The following GALNTL6 variants were observed in gnomAD, a reference collection of about 807,000 sequenced individuals.
GALNTL6 encodes polypeptide N-acetylgalactosaminyltransferase-like 6.
GALNTL6 carries 46 observed loss-of-function variants against 73.7 expected under a neutral mutation model. The ratio of observed to expected loss-of-function variants is 0.62; its 90% CI spans 0.49 to 0.80. The LOEUF is 0.80. Ranked by LOEUF, GALNTL6 falls within the 30% of genes least tolerant of loss-of-function variation. GALNTL6 has a pLI of 0.00. For synonymous variants in GALNTL6, 259 were observed against 263.7 expected, an observed-to-expected ratio of 0.98 and a Z score of 0.17; for missense variants, 604 against 755.0, an observed-to-expected ratio of 0.80 and a Z score of 2.34.
intron 5 of GALNTL6, among the ~76,000 whole-genome samples, chr4:172,600,097 G>T (rs1282242312): frequency 6.6e-6 from 1 of 152,000 alleles, no homozygotes; most frequent in Non-Finnish European, 1.5e-5. Flanking sequence ...GACCAGTGTA[G>T]GATTCGGACA....
At chr4:172,919,211 C>T (rs1579654006) in intron 8 of GALNTL6, among the ~76,000 whole-genome samples, 2 of 151,942 alleles carry the variant, frequency 1.3e-5, no homozygotes, top group Admixed American at 6.6e-5. Flanking sequence ...AGGAAGAATT[C>T]GGGAGGAAGC....
chr4:172,251,096 A>C (rs2111014603), intron 3 of GALNTL6, among the ~76,000 whole-genome samples: 1 of 152,284 alleles, frequency 6.6e-6, no homozygotes, highest in South Asian at 2.1e-4. Flanking sequence ...ATTTATTGTA[A>C]GAAATTGGCT....
intron 12 of GALNTL6, among the ~76,000 whole-genome samples, chr4:173,022,613 C>T (rs1753062698): frequency 6.6e-6 from 1 of 152,214 alleles, no homozygotes; most frequent in South Asian, 2.1e-4. Flanking sequence ...AATATTTATA[C>T]ATCTATGTAG....
intron 10 of GALNTL6, among the ~76,000 whole-genome samples, chr4:172,958,000 G>A (rs1362152076): frequency 6.6e-6 from 1 of 152,158 alleles, no homozygotes; most frequent in African/African-American, 2.4e-5. Context: ...ACAGTCATGG[G>A]GGTCAGGTGT....
intron 2 of GALNTL6, among the ~76,000 whole-genome samples, chr4:172,045,250 G>A (rs922626291): frequency 5.9e-5 from 9 of 151,932 alleles, no homozygotes; most frequent in Admixed American, 5.9e-4. Context: ...GCTTATATAA[G>A]GCCAGCTTTG....
intron 5 of GALNTL6, among the ~76,000 whole-genome samples, chr4:172,411,889 C>A (rs1287347110): frequency 6.6e-6 from 1 of 151,644 alleles, no homozygotes; most frequent in Admixed American, 6.6e-5. Flanking sequence ...ACTTTCATGG[C>A]GTTTATATTC....
intron 5 of GALNTL6, among the ~76,000 whole-genome samples, chr4:172,588,578 A>G (rs1737513533): frequency 6.6e-6 from 1 of 152,044 alleles, no homozygotes; most frequent in Admixed American, 6.6e-5. Flanking sequence ...GTGGATAGTG[A>G]TAGATGCCTA....
intron 5 of GALNTL6, among the ~76,000 whole-genome samples, chr4:172,720,702 C>T (rs913235673): frequency 1.3e-5 from 2 of 152,192 alleles, no homozygotes; most frequent in Non-Finnish European, 2.9e-5. Flanking sequence ...GGGATGTAGA[C>T]AGCCCTGTAG....
intron 2 of GALNTL6, among the ~76,000 whole-genome samples, chr4:171,949,359 T>C (rs1738798675): frequency 2.0e-5 from 3 of 152,198 alleles, no homozygotes; most frequent in Admixed American, 2.0e-4. Flanking sequence ...AATTTATATT[T>C]GTGTTCTTGG....
At chr4:172,737,030 A>G (rs1736509898) in intron 5 of GALNTL6, among the ~76,000 whole-genome samples, 1 of 152,172 alleles carries the variant, frequency 6.6e-6, no homozygotes, top group Admixed American at 6.5e-5. Context: ...CTTTTTCTTT[A>G]TAAATTTCAC....
chr4:172,278,181 T>C (rs896338328), intron 3 of GALNTL6, among the ~76,000 whole-genome samples: 5 of 152,194 alleles, frequency 3.3e-5, no homozygotes, highest in African/African-American at 1.2e-4. Flanking sequence ...ACTTTATTTT[T>C]AATCACACTT....
intron 5 of GALNTL6, among the ~76,000 whole-genome samples, chr4:172,514,128 C>T (rs1249853178): frequency 6.6e-6 from 1 of 152,120 alleles, no homozygotes. Context: ...TGGATAAGTA[C>T]TCAGGTTTCT....
intron 5 of GALNTL6, among the ~76,000 whole-genome samples, chr4:172,493,763 A>G (rs1324305505): frequency 1.3e-5 from 2 of 152,202 alleles, no homozygotes; most frequent in East Asian, 3.8e-4. Context: ...GTATTGCCAG[A>G]AATGCAATTA....
At chr4:172,225,627 C>T (rs1224684075) in intron 2 of GALNTL6, among the ~76,000 whole-genome samples, 5 of 152,010 alleles carry the variant, frequency 3.3e-5, no homozygotes, top group East Asian at 1.9e-4. Flanking sequence ...CGATGGCTCA[C>T]GCCTGTAGTC....
At chr4:172,138,750 C>T (rs548650768) in intron 2 of GALNTL6, among the ~76,000 whole-genome samples, 5 of 150,272 alleles carry the variant, frequency 3.3e-5, no homozygotes, top group Admixed American at 6.7e-5. Context: ...AGGATGGTTT[C>T]GATCTCCTGA....
chr4:173,035,096 CTT>C (rs33964878), intron 12 of GALNTL6, among the ~76,000 whole-genome samples: 2 of 140,152 alleles, frequency 1.4e-5, no homozygotes, highest in African/African-American at 5.6e-5. Flanking sequence ...ACAAACATTT[CTT>C]TTTTTTTTTA....
chr4:172,756,750 G>A (rs1737777479), intron 5 of GALNTL6, among the ~76,000 whole-genome samples: 1 of 152,028 alleles, frequency 6.6e-6, no homozygotes, highest in Non-Finnish European at 1.5e-5. Context: ...GCCTCTTTTA[G>A]GACAAAGACA....
intron 5 of GALNTL6, among the ~76,000 whole-genome samples, chr4:172,783,327 C>A (rs1354119230): frequency 6.7e-6 from 1 of 148,536 alleles, no homozygotes; most frequent in Non-Finnish European, 1.5e-5. Context: ...CAATCTCAAT[C>A]AAACCCCAAA....
At chr4:172,779,245 G>T (rs1438927080) in intron 5 of GALNTL6, among the ~76,000 whole-genome samples, 2 of 152,148 alleles carry the variant, frequency 1.3e-5, no homozygotes, top group Non-Finnish European at 2.9e-5. Context: ...TTGAGGCAGA[G>T]GTGTCATGTG....
Sources: gnomAD v4.1 joint callset for allele counts (sites outside exome capture counted in the v4.1 genomes callset) on GRCh38, gnomAD v4.1.1 for gene constraint, MANE v1.5 for transcripts, NCBI Gene and HGNC (gene_info 2026-07-23, HGNC 2026-07-21) for gene names.